ECPAS: variants seen among roughly 807,000 people sequenced by gnomAD.
The protein encoded by ECPAS is Ecm29 proteasome adaptor and scaffold.
A neutral mutation model predicts 255.1 loss-of-function variants in ECPAS; 70 were observed. That is an observed-to-expected ratio of 0.27 (90% CI 0.23 to 0.33). ECPAS has a LOEUF of 0.33. Among genes scored for constraint, ECPAS ranks in the 10% least tolerant of loss-of-function variants. The pLI, the probability that ECPAS is intolerant of heterozygous loss-of-function variation, is 1.00. For synonymous variants in ECPAS, 784 were observed against 775.0 expected (o/e 1.01, Z -0.19); for missense variants, 1,817 against 2,206.4 (o/e 0.82, Z 3.54).
chr9:111,456,087 T>C (rs73656251), intron 2 of ECPAS, among the ~76,000 whole-genome samples: 8,533 of 152,284 alleles, frequency 0.056, 577 homozygotes, highest in African/African-American at 0.15. Context: ...TTTTGGTATA[T>C]GGAGGGATGT....
In ECPAS at chr9:111,379,374, C is replaced by T. The variant is rs912431091; in HGVS notation, c.3804-644G>A. 3.9e-5 allele frequency among the ~76,000 whole-genome samples: 6 copies of T among 152,302 alleles called. No individual in the cohort carries two copies. In the South Asian group the frequency reaches 1.2e-3, roughly 32 times the overall value. Reference sequence around the variant, plus strand: ...TATTAAGTGTGCAATAGCATTATGTCTAAAATAAAGTACATTAGTTAACTT... The same window carrying T: ...TATTAAGTGTGCAATAGCATTATGTTTAAAATAAAGTACATTAGTTAACTT... On this transcript the variant is annotated intron_variant, in intron 35 of 49. Transcript: ENST00000684092.
chr9:111,382,920 T>C (rs912536434), intron 35 of ECPAS, among the ~76,000 whole-genome samples: 2 of 152,232 alleles, frequency 1.3e-5, no homozygotes, highest in South Asian at 2.1e-4. Context: ...CTAAATATTA[T>C]AATGAACAAA....
At chr9:111,371,911 C>A in intron 42 of ECPAS, 82 bp from the exon 43 acceptor site, 1 of 1,100,030 alleles carries the variant, frequency 9.1e-7, no homozygotes. Flanking sequence ...AGTCAGTGAC[C>A]AACAGTCTAA....
intron 46 of ECPAS, among the ~76,000 whole-genome samples, chr9:111,367,998 G>A (rs2098122528): frequency 6.7e-6 from 1 of 150,138 alleles, no homozygotes; most frequent in African/African-American, 2.5e-5. Context: ...CTGCACCACT[G>A]CACTCCAGCC....
At chr9:111,415,269 CAGAG>C (rs1237005575) in intron 18 of ECPAS, among the ~76,000 whole-genome samples, 8 of 148,690 alleles carry the variant, frequency 5.4e-5, no homozygotes, top group African/African-American at 7.4e-5. Flanking sequence ...GAGAGAAAGA[CAGAG>C]AGAGAGGAAA....
At chr9:111,450,726 G>C (rs978927405) in intron 3 of ECPAS, among the ~76,000 whole-genome samples, 1 of 152,176 alleles carries the variant, frequency 6.6e-6, no homozygotes, top group Admixed American at 6.5e-5. Context: ...TCAGGAGTTT[G>C]AGACCAGCCT....
chr9:111,366,034 T>C, intron 48 of ECPAS: 1 of 526,924 alleles, frequency 1.9e-6, no homozygotes, highest in South Asian at 2.9e-5. Flanking sequence ...GTCACGAAGG[T>C]TTTTCTAAAC....
intron 11 of ECPAS, 37 bp from the exon 12 acceptor site, chr9:111,425,533 A>C: frequency 7.1e-7 from 1 of 1,401,802 alleles, no homozygotes; most frequent in East Asian, 2.4e-5. Context: ...GCAAGATAAG[A>C]ATCTCATGAC....
chr9:111,458,060 G>A (rs145438938), intron 2 of ECPAS, among the ~76,000 whole-genome samples: 1 of 152,180 alleles, frequency 6.6e-6, no homozygotes, highest in Non-Finnish European at 1.5e-5. Flanking sequence ...TTCCTCCTTT[G>A]CATATATTAT....
At chr9:111,461,854 T>A (rs2098273573) in intron 2 of ECPAS, among the ~76,000 whole-genome samples, 1 of 152,158 alleles carries the variant, frequency 6.6e-6, no homozygotes, top group South Asian at 2.1e-4. Flanking sequence ...GCAAGTCACA[T>A]CTTAACATGG....
rs1243614879 is a variant in ECPAS, at chr9:111,484,146, C to G, written c.-113G>C. 2 of 1,466,118 alleles carry G rather than the reference C, an allele frequency of 1.4e-6. No individual in the cohort carries two copies. The highest frequency in any genetic ancestry group is 1.5e-5 in the African/African-American group (1 of 67,820). The allele number at this position is 1,466,118 out of a possible 1,614,324, so 90.8% of individuals were successfully genotyped here. A position where few individuals can be genotyped will look rare whatever the true frequency, so the allele number is the denominator to read the frequency against. On this transcript the variant is annotated 5_prime_UTR_variant, in exon 1 of 50. Transcript: ENST00000684092. ...TCGGAGCCGGTCTCCATGCCGCGGA[C>G]GCTGCGCTCGGCGCCGCGAGGTGAG... is the stretch of plus-strand genomic sequence containing the variant.
At chr9:111,460,495 C>T (rs1483942106) in intron 2 of ECPAS, among the ~76,000 whole-genome samples, 1 of 151,480 alleles carries the variant, frequency 6.6e-6, no homozygotes, top group Non-Finnish European at 1.5e-5. Context: ...AGCAATAAGA[C>T]AAAGAAAAAT....
At chr9:111,365,963 T>C in intron 48 of ECPAS, 1 of 440,876 alleles carries the variant, frequency 2.3e-6, no homozygotes, top group Middle Eastern at 6.2e-4. Flanking sequence ...ACATGTACTG[T>C]CGTTGCAACC....
intron 36 of ECPAS, among the ~76,000 whole-genome samples, 155 bp downstream of exon 36, chr9:111,378,425 A>T (rs964747171): frequency 6.6e-6 from 1 of 152,228 alleles, no homozygotes; most frequent in East Asian, 1.9e-4. Context: ...GTATGAGCTG[A>T]CAACCTCTCT....
At chr9:111,441,466 T>C (rs932108330) in intron 5 of ECPAS, among the ~76,000 whole-genome samples, 8 of 151,350 alleles carry the variant, frequency 5.3e-5, no homozygotes, top group Non-Finnish European at 1.2e-4. Flanking sequence ...GATTGCGCCA[T>C]TGCACTCCAG....
intron 10 of ECPAS, 51 bp from the exon 11 acceptor site, chr9:111,425,879 A>G (rs1214044553): frequency 9.1e-6 from 8 of 879,250 alleles, no homozygotes; most frequent in Admixed American, 2.1e-5. Flanking sequence ...TAAGAATTTA[A>G]TATTTTTGAA....
Position 111,433,308 on chromosome 9 carries a change from T to C in ECPAS, c.773A>G (p.His258Arg). ...EQVPELEAVL[H>R]LVIASSDTRH... ...TGTATCACTAGAGGCAATCACCAAG[T>C]GGAGAACAGCTTCAAGTTCAGGCAC... Residue 258 changes from histidine (H) to arginine (R), a missense_variant, in exon 8 of 50, where the codon CAC becomes CGC. His to Arg is a conservative substitution (Grantham distance 29, BLOSUM62 0). Transcript: ENST00000684092. The C allele has an allele frequency of 1.2e-6, 2 of 1,613,980 alleles. No homozygotes were observed. Among genetic ancestry groups the C allele is most frequent in the Non-Finnish European group, 1.7e-6 (2 of 1,179,868 alleles).
At chr9:111,414,895 A>T (rs1438711327) in intron 18 of ECPAS, among the ~76,000 whole-genome samples, 1 of 152,218 alleles carries the variant, frequency 6.6e-6, no homozygotes, top group Non-Finnish European at 1.5e-5. Context: ...CAGAAATTGG[A>T]GCTGGAGGCT....
Position 111,420,109 on chromosome 9 carries a change from T to G in ECPAS, c.1467A>C (p.Gln489His). ...VASYLIKPEVQVRQVAVKFAS... is the reference protein window; with the variant it reads ...VASYLIKPEVHVRQVAVKFAS... ...CAAATTTCACAGCCACTTGTCGAACTTGAACTTCAGGCTATTTCATGTGTA... is the reference window on the plus strand; with the variant it reads ...CAAATTTCACAGCCACTTGTCGAACGTGAACTTCAGGCTATTTCATGTGTA... The change falls in exon 16 of 50, where the codon CAA becomes CAC. Residue 489 changes from glutamine to histidine, a missense_variant. This residue lies in a region of ECPAS where 573 missense variants were observed against 716.2 expected (regional missense o/e 0.80). Transcript: ENST00000684092. 6.2e-7 allele frequency: 1 copy of G among 1,612,102 alleles called. No homozygotes were observed. The highest frequency in any genetic ancestry group is 8.5e-7 in the Non-Finnish European group (1 of 1,178,676).
Sources: allele counts gnomAD v4.1 joint callset (sites outside exome capture counted in the v4.1 genomes callset), GRCh38; gene constraint gnomAD v4.1.1; regional missense constraint gnomAD v4.1.1; transcripts MANE v1.5; gene names NCBI Gene and HGNC (gene_info 2026-07-23, HGNC 2026-07-21).